The following DOCK2 variants were observed in gnomAD, a reference collection of about 807,000 sequenced individuals.
The protein encoded by DOCK2 is dedicator of cytokinesis 2.
In DOCK2, 87 loss-of-function variants were observed where a neutral mutation model predicts 248.9. That is an observed-to-expected ratio of 0.35 (90% CI 0.29 to 0.42). DOCK2 has a LOEUF of 0.42. Ranked by LOEUF, DOCK2 falls within the 10% of genes least tolerant of loss-of-function variation. The pLI, the probability that DOCK2 is intolerant of heterozygous loss-of-function variation, is 1.00. For missense variants in DOCK2, 1,747 were observed against 2,300.2 expected (o/e 0.76, Z 4.92); for synonymous variants, 805 against 821.6 (o/e 0.98, Z 0.35).
At chr5:169,750,189 A>G (rs1763824033) in intron 23 of DOCK2, among the ~76,000 whole-genome samples, 1 of 152,226 alleles carries the variant, frequency 6.6e-6, no homozygotes. Context: ...AGAATGGAAG[A>G]GGGAATAGGT....
intron 2 of DOCK2, among the ~76,000 whole-genome samples, chr5:169,665,440 G>A (rs1580998137): frequency 1.6e-5 from 1 of 62,178 alleles, no homozygotes. Flanking sequence ...ATATACACAT[G>A]TTTATATGTA....
In DOCK2 at chr5:169,714,686, T is replaced by C. The variant is rs1761807303; in HGVS notation, c.1941+229T>C. On this transcript the variant is annotated intron_variant, in intron 19 of 51. Coordinates refer to ENST00000520908, the MANE Select transcript of DOCK2 (RefSeq NM_004946.3). ...GCCAGAAAACAATGGTTATGCTCAA[T>C]CTCTGGAAATAGATGAGCCTGGGTG... Among the ~76,000 whole-genome samples the C allele has an allele frequency of 2.0e-5, 3 of 152,230 alleles. No individual in the cohort carries two copies. The South Asian group carries it at 6.2e-4, about 32-fold the overall frequency.
At chr5:169,680,537 C>G (rs1488906749) in intron 6 of DOCK2, among the ~76,000 whole-genome samples, 1 of 152,140 alleles carries the variant, frequency 6.6e-6, no homozygotes, top group Non-Finnish European at 1.5e-5. Flanking sequence ...AATACCTCCT[C>G]TGTGTATATA....
At chr5:169,913,345 A>G (rs1441004024) in intron 27 of DOCK2, among the ~76,000 whole-genome samples, 1 of 152,102 alleles carries the variant, frequency 6.6e-6, no homozygotes, top group Non-Finnish European at 1.5e-5. Context: ...AGCCTGATCT[A>G]TGGCTAGAAC....
chr5:169,686,004 A>G (rs1340443994), intron 8 of DOCK2, among the ~76,000 whole-genome samples: 3 of 152,312 alleles, frequency 2.0e-5, no homozygotes, highest in African/African-American at 7.2e-5. Context: ...GGTAATTTTT[A>G]TTATGCACCA....
chr5:170,030,813 C>T (rs899293994), intron 34 of DOCK2, among the ~76,000 whole-genome samples: 8 of 152,242 alleles, frequency 5.3e-5, no homozygotes, highest in South Asian at 4.1e-4. Flanking sequence ...CTCCCAGCCC[C>T]TCTTTCAGGG....
At chr5:169,783,228 T>A (rs1294268459) in intron 25 of DOCK2, among the ~76,000 whole-genome samples, 1 of 152,202 alleles carries the variant, frequency 6.6e-6, no homozygotes, top group African/African-American at 2.4e-5. Context: ...AATATTCAAC[T>A]TTTATTATAT....
intron 29 of DOCK2, among the ~76,000 whole-genome samples, chr5:169,989,677 A>G (rs890237020): frequency 3.3e-5 from 5 of 152,314 alleles, no homozygotes; most frequent in Non-Finnish European, 5.9e-5. Context: ...CCTGGATTCA[A>G]ATTCCATCTG....
chr5:169,675,071 A>C (rs1759255523), intron 6 of DOCK2, among the ~76,000 whole-genome samples: 1 of 152,226 alleles, frequency 6.6e-6, no homozygotes, highest in Admixed American at 6.5e-5. Flanking sequence ...TTTAATTCTT[A>C]TAATAACTCT....
At chr5:169,759,037 G>C (rs1022797699) in intron 23 of DOCK2, among the ~76,000 whole-genome samples, 1 of 152,212 alleles carries the variant, frequency 6.6e-6, no homozygotes, top group African/African-American at 2.4e-5. Flanking sequence ...CTGCTGCTTA[G>C]CAAGTGGTGT....
At chr5:169,945,393 G>A (rs1038954925) in intron 27 of DOCK2, among the ~76,000 whole-genome samples, 1 of 152,188 alleles carries the variant, frequency 6.6e-6, no homozygotes, top group Non-Finnish European at 1.5e-5. Context: ...GAACTCTTTG[G>A]GTCTCAGAGT....
intron 9 of DOCK2, chr5:169,695,379 T>G (rs1760553655): frequency 5.7e-6 from 1 of 174,500 alleles, no homozygotes; most frequent in Non-Finnish European, 1.2e-5. Flanking sequence ...CTGTTATGAT[T>G]TTTTTCTCTT....
chr5:169,763,622 G>A lies in DOCK2; in HGVS notation c.2554+1997G>A, dbSNP rs907706197. 6.6e-6 allele frequency among the ~76,000 whole-genome samples: 1 copy of A among 152,176 alleles called. No homozygotes were observed. Among genetic ancestry groups the A allele is most frequent in the Admixed American group, 6.5e-5 (1 of 15,286 alleles). ...CCTCTGAGGGTTAGCATCATGGCAG[G>A]GCAGGCTGGACAGCTGCTGCTTCTC... On this transcript the variant is annotated intron_variant, in intron 25 of 51. Coordinates refer to ENST00000520908, the MANE Select transcript of DOCK2 (RefSeq NM_004946.3). The surrounding 1 kb of genome is among the most constrained non-coding windows in gnomAD (Gnocchi z 4.1).
chr5:170,022,954 T>A (rs996943326), intron 33 of DOCK2, among the ~76,000 whole-genome samples: 2 of 152,176 alleles, frequency 1.3e-5, no homozygotes, highest in African/African-American at 4.8e-5. Flanking sequence ...TTTTATAAAC[T>A]AGAATAATGG....
At chr5:169,732,106 G>A (rs557271598) in intron 22 of DOCK2, among the ~76,000 whole-genome samples, 1 of 152,260 alleles carries the variant, frequency 6.6e-6, no homozygotes, top group South Asian at 2.1e-4. Flanking sequence ...GTGACAGAGT[G>A]AGACCCCATC....
At chr5:169,666,877 G>A (rs1447800394) in intron 2 of DOCK2, among the ~76,000 whole-genome samples, 1 of 152,208 alleles carries the variant, frequency 6.6e-6, no homozygotes, top group Non-Finnish European at 1.5e-5. Context: ...ATGTAGCCCA[G>A]TGCAATATAC....
At chr5:170,074,367 G>T (rs1426033866) in intron 46 of DOCK2, among the ~76,000 whole-genome samples, 1 of 152,038 alleles carries the variant, frequency 6.6e-6, no homozygotes, top group Admixed American at 6.6e-5. Context: ...CTTTCCTCCA[G>T]TGTCTGGTGA....
chr5:169,858,408 G>A (rs1771008319), intron 27 of DOCK2, among the ~76,000 whole-genome samples: 1 of 152,128 alleles, frequency 6.6e-6, no homozygotes, highest in African/African-American at 2.4e-5. Context: ...GGAGGGTGGT[G>A]TAGGTGGGGA....
chr5:169,981,746 A>G (rs1266890608), intron 27 of DOCK2, among the ~76,000 whole-genome samples: 1 of 152,180 alleles, frequency 6.6e-6, no homozygotes, highest in Non-Finnish European at 1.5e-5. Context: ...TATTTACTGA[A>G]GGCTCAGATG....
Sources: allele counts gnomAD v4.1 joint callset (sites outside exome capture counted in the v4.1 genomes callset), GRCh38; gene constraint gnomAD v4.1.1; non-coding constraint Gnocchi (gnomAD v3.1); transcripts MANE v1.5; gene names NCBI Gene and HGNC (gene_info 2026-07-23, HGNC 2026-07-21).